The following LONRF2 variants were observed in gnomAD, a reference collection of about 807,000 sequenced individuals.
LONRF2 encodes the protein LON peptidase N-terminal domain and RING finger protein 2.
In LONRF2, 35 loss-of-function variants were observed where a neutral mutation model predicts 66.6. That is an observed-to-expected ratio of 0.53 (90% CI 0.40 to 0.70). The LOEUF is 0.70. Ranked by LOEUF, LONRF2 falls within the 30% of genes least tolerant of loss-of-function variation. The pLI, the probability that LONRF2 is intolerant of heterozygous loss-of-function variation, is 0.00. For missense variants in LONRF2, 902 were observed against 1,002.1 expected, an observed-to-expected ratio of 0.90 and a Z score of 1.35; for synonymous variants, 417 against 418.1, an observed-to-expected ratio of 1.00 and a Z score of 0.03.
intron 1 of LONRF2, among the ~76,000 whole-genome samples, chr2:100,315,775 G>T (rs180787492): frequency 6.6e-6 from 1 of 152,196 alleles, no homozygotes; most frequent in East Asian, 1.9e-4. Context: ...AACTATATTC[G>T]TAAGAAACAT....
At position 100,284,345 on chromosome 2, in the gene LONRF2, T is replaced by C. The variant is rs1674800407; in HGVS notation, c.2218A>G (p.Met740Val). 2.5e-6 allele frequency: 4 copies of C among 1,589,192 alleles called. No individual in the cohort carries two copies. Among genetic ancestry groups the C allele is most frequent in the Admixed American group, 1.8e-5 (1 of 56,616 alleles). ...RRILVIITRK[M>V]NSRQELANAR... ...TTAGCCAGCTCTTGCCGACTATTCA[T>C]CTTACGCGTGATGATGACTAATATC... is the stretch of plus-strand genomic sequence containing the variant. Residue 740 changes from methionine to valine, a missense_variant, in exon 12 of 12, where the codon ATG becomes GTG. Coordinates refer to ENST00000393437, the MANE Select transcript of LONRF2 (RefSeq NM_198461.4).
chr2:100,295,585 T>C (rs768990342), intron 7 of LONRF2, 32 bp from the exon 8 acceptor site: 22 of 1,600,310 alleles, frequency 1.4e-5, no homozygotes, highest in Non-Finnish European at 1.7e-5. Flanking sequence ...TGATACTGTA[T>C]GGTAATTGAT....
Position 100,272,894 on chromosome 2 carries a change from T to C in LONRF2, c.*11404A>G, listed in dbSNP as rs563277106. Among the ~76,000 whole-genome samples the C allele has an allele frequency of 6.6e-6, 1 of 152,290 alleles. No individual in the cohort carries two copies. Among genetic ancestry groups the C allele is most frequent in the Non-Finnish European group, 1.5e-5 (1 of 68,020 alleles). On this transcript the variant is annotated 3_prime_UTR_variant, in exon 12 of 12. Transcript: ENST00000393437. ...TCTTTCCTTTTTTTTCCTACTAAAA[T>C]TAAATTGGAATCGTTCCACATCTGC...
intron 1 of LONRF2, among the ~76,000 whole-genome samples, chr2:100,311,469 C>A (rs1263856396): frequency 6.6e-6 from 1 of 152,112 alleles, no homozygotes; most frequent in Non-Finnish European, 1.5e-5. Context: ...CCTGTTTCCA[C>A]TTGGCTACAG....
chr2:100,280,625 A>T lies in LONRF2; in HGVS notation c.*3673T>A, dbSNP rs1459566592. 2.0e-5 allele frequency: 3 copies of T among 151,754 alleles called. No homozygotes were observed. Among genetic ancestry groups the T allele is most frequent in the African/African-American group, 7.3e-5 (3 of 41,166 alleles). The allele number at this position is 151,754 out of a possible 1,614,324, so 9.4% of individuals were successfully genotyped here. On this transcript the variant is annotated 3_prime_UTR_variant, in exon 12 of 12. Coordinates refer to ENST00000393437, the MANE Select transcript of LONRF2 (RefSeq NM_198461.4). The stretch of plus-strand genomic sequence containing the variant: ...CCCATCTCTACTAAAAAAAAAAAAT[A>T]CAAAAATTAGCTGGGTGTGGTGGCG...
At chr2:100,288,459 C>A (rs1223747187) in intron 10 of LONRF2, among the ~76,000 whole-genome samples, 1 of 152,234 alleles carries the variant, frequency 6.6e-6, no homozygotes, top group East Asian at 1.9e-4. Flanking sequence ...AGGATTTCCT[C>A]CTTTTAAGTA....
chr2:100,294,934 T>C (rs2105720942), intron 8 of LONRF2, among the ~76,000 whole-genome samples: 1 of 152,008 alleles, frequency 6.6e-6, no homozygotes, highest in South Asian at 2.1e-4. Context: ...TATTCTTAAG[T>C]GTACAGTTCA....
intron 7 of LONRF2, 151 bp from the exon 8 acceptor site, chr2:100,295,704 A>G: frequency 1.5e-6 from 1 of 686,486 alleles, no homozygotes. Flanking sequence ...CCAGCCTGTA[A>G]CAAGAGCAGG....
rs151225505 is a variant in LONRF2 at position 100,278,074 on chromosome 2, G to A, written c.*6224C>T. On this transcript the variant is annotated 3_prime_UTR_variant, in exon 12 of 12. Transcript: ENST00000393437. ...GGTTCCACACAATCGGTTTCACGAA[G>A]ACACACAATGGTCTCCTCAAACAAC... 1 of 152,238 alleles carries A rather than the reference G, an allele frequency of 6.6e-6. No homozygotes were observed. Among genetic ancestry groups the A allele is most frequent in the Non-Finnish European group, 1.5e-5 (1 of 68,028 alleles). The allele number at this position is 152,238 out of a possible 1,614,324, so 9.4% of individuals were successfully genotyped here.
Position 100,280,437 on chromosome 2 carries a change from G to C in LONRF2, c.*3861C>G, listed in dbSNP as rs1335739174. 1 of 152,160 alleles carries C rather than the reference G, an allele frequency of 6.6e-6. No individual in the cohort carries two copies. Among genetic ancestry groups the C allele is most frequent in the Non-Finnish European group, 1.5e-5 (1 of 68,056 alleles). The allele number at this position is 152,160 out of a possible 1,614,324, so 9.4% of individuals were successfully genotyped here. The stretch of plus-strand genomic sequence containing the variant: ...GCCTTTGGGAAGGACGATGTTGAAG[G>C]GGAAGAACTCCTTCCACTGAATGCC... On this transcript the variant is annotated 3_prime_UTR_variant, in exon 12 of 12. Coordinates refer to ENST00000393437, the MANE Select transcript of LONRF2 (RefSeq NM_198461.4).
chr2:100,309,232 G>C lies in LONRF2; in HGVS notation c.680-7C>G. 1 of 1,563,744 alleles carries C rather than the reference G, an allele frequency of 6.4e-7. No individual in the cohort carries two copies. Among genetic ancestry groups the C allele is most frequent in the East Asian group, 2.2e-5 (1 of 44,460 alleles). ...AATGAATTATCATCAGGAGCTGAAAGACAGGAGGAATACAAATCAATAAAA... is the reference window on the plus strand; with the variant it reads ...AATGAATTATCATCAGGAGCTGAAACACAGGAGGAATACAAATCAATAAAA... On this transcript the variant is annotated splice_region_variant and splice_polypyrimidine_tract_variant and intron_variant, in intron 1 of 11. Transcript: ENST00000393437.
intron 2 of LONRF2, among the ~76,000 whole-genome samples, chr2:100,304,814 G>GTTTTTTTTTTTTT (rs1675259846): frequency 2.1e-5 from 1 of 46,538 alleles, no homozygotes; most frequent in Non-Finnish European, 4.3e-5. Context: ...TTTTTTTTTA[G>GTTTTTTTTTTTTT]TTGAGATGGG....
At chr2:100,289,861 A>G (rs7559464) in intron 10 of LONRF2, among the ~76,000 whole-genome samples, 110,056 of 151,624 alleles carry the variant, frequency 0.73, 40,766 homozygotes, top group East Asian at 0.96. Flanking sequence ...GGGCTACTAC[A>G]CTTTGGTTGA....
chr2:100,316,043 G>A (rs754825943), intron 1 of LONRF2, among the ~76,000 whole-genome samples: 3 of 152,058 alleles, frequency 2.0e-5, no homozygotes, highest in East Asian at 1.9e-4. Flanking sequence ...TTTTCTGGCC[G>A]GGTGCGGTGG....
chr2:100,304,342 A>T lies in LONRF2; in HGVS notation c.799-1299T>A, dbSNP rs563826628. Among the ~76,000 whole-genome samples, 6 of 150,904 alleles carry T rather than the reference A, an allele frequency of 4.0e-5. No homozygotes were observed. The South Asian group carries it at 1.3e-3, about 32-fold the overall frequency. On this transcript the variant is annotated intron_variant, in intron 2 of 11. Transcript: ENST00000393437. ...TTTTTTGTAGACTTGGGGTCTCGTG[A>T]TGTTTCCCAGGCTGGTCTTGAACTC...
In LONRF2 at chr2:100,322,260, CG is replaced by C. The variant is rs1457913305; in HGVS notation, c.-168del. On this transcript the variant is annotated 5_prime_UTR_variant, in exon 1 of 12. Transcript: ENST00000393437. ...GGCTGAGACCGCGGGCGGGGGCGGG[CG>C]CCTGGCTTGGGCAGCGTCCTCAGCG... 1 of 632,316 alleles carries C rather than the reference CG, an allele frequency of 1.6e-6. No homozygotes were observed. The highest frequency in any genetic ancestry group is 4.2e-5 in the East Asian group (1 of 23,666). 39.2% of individuals were successfully genotyped at this position (632,316 alleles called of 1,614,324 possible).
intron 10 of LONRF2, 117 bp from the exon 11 acceptor site, chr2:100,287,180 A>G (rs1202474937): frequency 6.1e-6 from 6 of 984,094 alleles, no homozygotes; most frequent in Admixed American, 7.0e-5. Flanking sequence ...TTAATAATTC[A>G]TCAGTTTCAC....
chr2:100,288,720 G>A (rs188692687), intron 10 of LONRF2, among the ~76,000 whole-genome samples: 45 of 152,326 alleles, frequency 3.0e-4, no homozygotes, highest in Admixed American at 1.6e-3. Flanking sequence ...ATGAAGCCAC[G>A]CGGTATGTGT....
In LONRF2 at chr2:100,321,798, GCCAGCTCTT is replaced by G. The variant is rs1293344447; in HGVS notation, c.287_295del (p.Glu96_Leu98del). The G allele has an allele frequency of 2.0e-5, 21 of 1,072,014 alleles. No homozygotes were observed. The highest frequency in any genetic ancestry group is 2.1e-5 in the Non-Finnish European group (19 of 886,110). 66.4% of individuals were successfully genotyped at this position (1,072,014 alleles called of 1,614,324 possible). On this transcript the variant is annotated inframe_deletion, in exon 1 of 12. Coordinates refer to ENST00000393437, the MANE Select transcript of LONRF2 (RefSeq NM_198461.4). ...GCCCACGGCGCGCACCAGGCCGCCC[GCCAGCTCTT>G]CCAGCTCCTCCGGCCGCAGCGCCCC...
Sources: allele counts gnomAD v4.1 joint callset (sites outside exome capture counted in the v4.1 genomes callset), GRCh38; gene constraint gnomAD v4.1.1; transcripts MANE v1.5; gene names NCBI Gene and HGNC (gene_info 2026-07-23, HGNC 2026-07-21).